The following KDM5A variants were observed in gnomAD, a reference collection of about 807,000 sequenced individuals.
KDM5A encodes lysine-specific demethylase 5A.
In KDM5A, 42 loss-of-function variants were observed where a neutral mutation model predicts 193.5. The ratio of observed to expected loss-of-function variants is 0.22; its 90% CI spans 0.17 to 0.28. The LOEUF is 0.28. KDM5A is among the 10% of genes least tolerant of loss of function. The probability of loss-of-function intolerance (pLI) is 1.00; values close to 1 mark genes in which losing one functional copy is unlikely to be tolerated. For missense variants in KDM5A, 1,692 were observed against 2,055.1 expected, an observed-to-expected ratio of 0.82 and a Z score of 3.42; for synonymous variants, 796 against 718.1, an observed-to-expected ratio of 1.11 and a Z score of -1.73.
At chr12:294,119 G>T (rs1319795897) in intron 26 of KDM5A, among the ~76,000 whole-genome samples, 1 of 152,128 alleles carries the variant, frequency 6.6e-6, no homozygotes, top group Non-Finnish European at 1.5e-5. Context: ...TTGTATCCAT[G>T]ATCTCATTAC....
intron 26 of KDM5A, among the ~76,000 whole-genome samples, chr12:294,628 G>C (rs548788381): frequency 2.2e-4 from 33 of 152,192 alleles, no homozygotes; most frequent in African/African-American, 7.9e-4. Flanking sequence ...ACAAACTATA[G>C]CATATGCTAA....
chr12:357,461 T>C (rs1944240749), intron 5 of KDM5A, among the ~76,000 whole-genome samples: 3 of 150,836 alleles, frequency 2.0e-5, no homozygotes, highest in Admixed American at 2.0e-4. Flanking sequence ...ATGATTGTCC[T>C]ACCACACCCC....
intron 3 of KDM5A, among the ~76,000 whole-genome samples, chr12:376,461 T>A (rs1434129220): frequency 6.6e-6 from 1 of 152,160 alleles, no homozygotes; most frequent in Non-Finnish European, 1.5e-5. Context: ...TGACCCAATT[T>A]TCCAGGTGCC....
At chr12:311,418 C>T (rs1247704608) in intron 20 of KDM5A, among the ~76,000 whole-genome samples, 5 of 151,840 alleles carry the variant, frequency 3.3e-5, no homozygotes, top group Non-Finnish European at 4.4e-5. Flanking sequence ...CTGAGGCAGG[C>T]AGATCACCTG....
chr12:370,983 T>C (rs1186625182), intron 3 of KDM5A, among the ~76,000 whole-genome samples: 1 of 152,224 alleles, frequency 6.6e-6, no homozygotes, highest in African/African-American at 2.4e-5. Context: ...CCATGGTGCA[T>C]ATGTGCCACA....
intron 26 of KDM5A, among the ~76,000 whole-genome samples, chr12:294,687 A>G (rs1012556458): frequency 1.3e-5 from 2 of 152,248 alleles, no homozygotes; most frequent in Non-Finnish European, 2.9e-5. Flanking sequence ...CATTACATGG[A>G]AAGAAGGAAA....
At chr12:299,558 G>C (rs959196185) in intron 24 of KDM5A, among the ~76,000 whole-genome samples, 1 of 152,034 alleles carries the variant, frequency 6.6e-6, no homozygotes, top group African/African-American at 2.4e-5. Context: ...CACTAAACAT[G>C]GAAAGGAACA....
chr12:312,460 G>C (rs1402676521), intron 20 of KDM5A, among the ~76,000 whole-genome samples: 1 of 152,102 alleles, frequency 6.6e-6, no homozygotes, highest in African/African-American at 2.4e-5. Flanking sequence ...AAAATTTGAA[G>C]AATACAGTAG....
At chr12:351,901 C>G (rs1944164546) in intron 9 of KDM5A, among the ~76,000 whole-genome samples, 1 of 151,968 alleles carries the variant, frequency 6.6e-6, no homozygotes, top group South Asian at 2.1e-4. Context: ...GTCAGGAGTT[C>G]AAGACCAGCC....
chr12:351,271 C>T (rs139686843), intron 9 of KDM5A, among the ~76,000 whole-genome samples: 1 of 152,066 alleles, frequency 6.6e-6, no homozygotes, highest in Non-Finnish European at 1.5e-5. Context: ...CGTGTGTTCT[C>T]ATTGTTCACC....
At chr12:341,606 A>G (rs551756162) in intron 10 of KDM5A, among the ~76,000 whole-genome samples, 37 of 152,298 alleles carry the variant, frequency 2.4e-4, no homozygotes, top group African/African-American at 8.4e-4. Flanking sequence ...AAAAGGCCAT[A>G]ATAGAGAAAT....
intron 1 of KDM5A, chr12:388,668 T>C: frequency 3.5e-6 from 2 of 568,994 alleles, no homozygotes; most frequent in South Asian, 4.1e-5. Context: ...CGAAAGGCTT[T>C]AGGCCCACGG....
intron 3 of KDM5A, among the ~76,000 whole-genome samples, chr12:375,641 G>A (rs964738971): frequency 6.6e-6 from 1 of 152,216 alleles, no homozygotes; most frequent in African/African-American, 2.4e-5. Context: ...TTTGGCGGGG[G>A]AGAGGTGCTC....
chr12:285,539 G>GC lies in KDM5A; in HGVS notation c.4989dup (p.Pro1664AlafsTer3). On this transcript the variant is annotated frameshift_variant, in exon 28 of 28. Transcript: ENST00000399788. LOFTEE classifies it high-confidence loss of function. ...GGTGGTGCTGGACCTGGGCTAACTG[G>GC]CCCCTGCTTCTTTGCACAGTTTATA... 6.2e-7 allele frequency: 1 copy of GC among 1,613,972 alleles called. No individual in the cohort carries two copies. Among genetic ancestry groups the GC allele is most frequent in the Non-Finnish European group, 8.5e-7 (1 of 1,179,932 alleles).
Position 352,324 on chromosome 12 carries a change from C to G in KDM5A, c.1030G>C (p.Glu344Gln), listed in dbSNP as rs745706378. The change falls in exon 9 of 28, where the codon GAA becomes CAA. Residue 344 changes from glutamate to glutamine, a missense_variant and splice_region_variant. Around this residue, in one of 11 missense-constraint regions of KDM5A, gnomAD observed 62 missense variants for 107.1 expected, o/e 0.58. Coordinates refer to ENST00000399788, the MANE Select transcript of KDM5A (RefSeq NM_001042603.3). ...DWRCPKCVAE[E>Q]CSKPREAFGF... is the part of the protein sequence containing the mutation. ...AAGGCTTCTCGAGGTTTGCTACATT[C>G]CTGGAAAGAAAAAATATGTAAGATT... The G allele has an allele frequency of 6.2e-7, 1 of 1,613,108 alleles. No homozygotes were observed. Among genetic ancestry groups the G allele is most frequent in the Non-Finnish European group, 8.5e-7 (1 of 1,179,220 alleles).
intron 4 of KDM5A, among the ~76,000 whole-genome samples, chr12:365,292 G>A (rs188704393): frequency 2.0e-5 from 3 of 152,200 alleles, no homozygotes; most frequent in East Asian, 1.9e-4. Context: ...GGCCTCAAAC[G>A]ATCCACCCAC....
At chr12:306,836 G>T in intron 24 of KDM5A, 110 bp downstream of exon 24, 1 of 1,067,302 alleles carries the variant, frequency 9.4e-7, no homozygotes, top group Non-Finnish European at 1.4e-6. Flanking sequence ...TAAATGATTA[G>T]TTTTCTCTTT....
chr12:306,093 T>A (rs748588130), intron 24 of KDM5A, among the ~76,000 whole-genome samples: 8 of 146,894 alleles, frequency 5.4e-5, no homozygotes, highest in African/African-American at 2.0e-4. Context: ...CACTTCAGCC[T>A]CCCAAGTAGC....
chr12:302,205 G>A (rs543555106), intron 24 of KDM5A, among the ~76,000 whole-genome samples: 8 of 152,232 alleles, frequency 5.3e-5, no homozygotes, highest in East Asian at 3.9e-4. Flanking sequence ...AAAAGAGCCC[G>A]CATTGCCAAG....
Sources: allele counts gnomAD v4.1 joint callset (sites outside exome capture counted in the v4.1 genomes callset), GRCh38; gene constraint gnomAD v4.1.1; regional missense constraint gnomAD v4.1.1; transcripts MANE v1.5; gene names NCBI Gene and HGNC (gene_info 2026-07-23, HGNC 2026-07-21).